The following KCNK2 variants were observed in gnomAD, a reference collection of about 807,000 sequenced individuals.
KCNK2 encodes the protein potassium channel subfamily K member 2.
KCNK2 carries 21 observed loss-of-function variants against 40.5 expected under a neutral mutation model. That is an observed-to-expected ratio of 0.52 (90% CI 0.37 to 0.75). The LOEUF (loss-of-function observed/expected upper bound fraction) is 0.75, where lower values mean the gene tolerates loss of function less well. Ranked by LOEUF, KCNK2 falls within the 30% of genes least tolerant of loss-of-function variation. The pLI is 0.00. For missense variants in KCNK2, 399 were observed against 531.6 expected, an observed-to-expected ratio of 0.75 and a Z score of 2.45; for synonymous variants, 191 against 202.2, an observed-to-expected ratio of 0.94 and a Z score of 0.47.
chr1:215,225,144 C>T (rs368495622), intron 6 of KCNK2, among the ~76,000 whole-genome samples: 3 of 152,246 alleles, frequency 2.0e-5, no homozygotes, highest in African/African-American at 7.2e-5. Flanking sequence ...CAGGTAATTG[C>T]TAAAATCCAT....
At chr1:215,177,741 T>TATATATATA (rs1553270860) in intron 5 of KCNK2, among the ~76,000 whole-genome samples, 5 of 20,614 alleles carry the variant, frequency 2.4e-4, no homozygotes, top group East Asian at 3.5e-3. Flanking sequence ...TATATATATA[T>TATATATATA]TTTTTTTTTT....
intron 6 of KCNK2, among the ~76,000 whole-genome samples, chr1:215,231,366 G>A (rs115035907): frequency 0.022 from 3,324 of 151,970 alleles, 110 homozygotes; most frequent in African/African-American, 0.076. Flanking sequence ...TGCAATAAAC[G>A]CATAATAAAA....
intron 3 of KCNK2, among the ~76,000 whole-genome samples, chr1:215,134,052 A>G (rs2102592645): frequency 6.6e-6 from 1 of 152,220 alleles, no homozygotes; most frequent in South Asian, 2.1e-4. Context: ...GCTAACAAAG[A>G]GTGAAATTGC....
At chr1:215,091,536 A>G (rs767106667) in intron 2 of KCNK2, among the ~76,000 whole-genome samples, 6 of 152,240 alleles carry the variant, frequency 3.9e-5, no homozygotes, top group Non-Finnish European at 8.8e-5. Context: ...TTCATTCAAA[A>G]GCATTTGTTG....
chr1:215,075,495 G>A (rs1264414533), intron 1 of KCNK2, among the ~76,000 whole-genome samples: 1 of 152,094 alleles, frequency 6.6e-6, no homozygotes, highest in Non-Finnish European at 1.5e-5. Context: ...CCATGATGAC[G>A]AGGATTTGTT....
rs554082958 is a variant in KCNK2, at chr1:215,087,019, T to C, written c.357+341T>C. On this transcript the variant is annotated intron_variant, in intron 2 of 6. Coordinates refer to ENST00000444842, the MANE Select transcript of KCNK2 (RefSeq NM_001017425.3). ...TCTTAGAAGTGCCAGTGGACATCCATGGGGTTGGGGTTACCACGCTGAAGG... is the reference window on the plus strand; with the variant it reads ...TCTTAGAAGTGCCAGTGGACATCCACGGGGTTGGGGTTACCACGCTGAAGG... 2.0e-4 allele frequency among the ~76,000 whole-genome samples: 31 copies of C among 152,344 alleles called. No homozygotes were observed. The South Asian group carries it at 2.7e-3, about 13-fold the overall frequency.
At chr1:215,162,733 A>G (rs1456602816) in intron 3 of KCNK2, among the ~76,000 whole-genome samples, 2 of 151,970 alleles carry the variant, frequency 1.3e-5, no homozygotes, top group African/African-American at 4.8e-5. Flanking sequence ...ATGGTTGTAG[A>G]TGTGTGGCAT....
At chr1:215,177,838 T>A (rs938173980) in intron 5 of KCNK2, among the ~76,000 whole-genome samples, 1 of 150,148 alleles carries the variant, frequency 6.7e-6, no homozygotes, top group African/African-American at 2.4e-5. Context: ...TTTTTTTTTT[T>A]AGGATTACTT....
chr1:215,088,575 G>GAAAAA (rs10689637), intron 2 of KCNK2, among the ~76,000 whole-genome samples: 1 of 133,864 alleles, frequency 7.5e-6, no homozygotes, highest in Non-Finnish European at 1.6e-5. Flanking sequence ...GACAGGACAG[G>GAAAAA]AAAAAAAAAA....
rs74736877 is a variant in KCNK2, at chr1:215,098,507, C to A, written c.357+11829C>A. ...GTGAGATTTTAAAAATTTAATTAAA[C>A]GTCGAATATATTTCTCATTGTTAAA... On this transcript the variant is annotated intron_variant, in intron 2 of 6. Transcript: ENST00000444842. Among the ~76,000 whole-genome samples, 93 of 151,944 alleles carry A rather than the reference C, an allele frequency of 6.1e-4. 1 individual carries two copies. In the South Asian group the frequency reaches 0.019, roughly 31 times the overall value.
At chr1:215,045,903 A>G (rs958267266) in intron 1 of KCNK2, among the ~76,000 whole-genome samples, 1 of 152,098 alleles carries the variant, frequency 6.6e-6, no homozygotes, top group Admixed American at 6.6e-5. Context: ...AATTTGCAGT[A>G]ATTACTCTGT....
chr1:215,160,101 G>T (rs1183104176), intron 3 of KCNK2, among the ~76,000 whole-genome samples: 1 of 152,144 alleles, frequency 6.6e-6, no homozygotes, highest in Non-Finnish European at 1.5e-5. Context: ...GTATAATCTT[G>T]AATTAATAAG....
chr1:215,100,629 C>T (rs1214528414), intron 2 of KCNK2, among the ~76,000 whole-genome samples: 4 of 152,008 alleles, frequency 2.6e-5, no homozygotes, highest in African/African-American at 9.6e-5. Context: ...TTGCTGGTTG[C>T]GGTTCTGATG....
intron 1 of KCNK2, among the ~76,000 whole-genome samples, chr1:215,019,438 A>G (rs955042927): frequency 7.2e-5 from 11 of 152,364 alleles, no homozygotes; most frequent in African/African-American, 2.6e-4. Context: ...ATCAGCTGAG[A>G]CACCCAATAT....
At chr1:215,157,170 A>G (rs1662970195) in intron 3 of KCNK2, among the ~76,000 whole-genome samples, 1 of 152,194 alleles carries the variant, frequency 6.6e-6, no homozygotes, top group Non-Finnish European at 1.5e-5. Flanking sequence ...TCTATTAAAG[A>G]TAATTTCAAG....
intron 1 of KCNK2, among the ~76,000 whole-genome samples, chr1:215,070,741 A>T (rs1264200211): frequency 6.6e-6 from 1 of 152,198 alleles, no homozygotes; most frequent in Non-Finnish European, 1.5e-5. Flanking sequence ...AGACACAGAC[A>T]AACCATATCA....
intron 6 of KCNK2, among the ~76,000 whole-genome samples, chr1:215,210,019 A>G (rs61818357): frequency 1.3e-4 from 3 of 23,266 alleles, no homozygotes; most frequent in African/African-American, 6.3e-4. Context: ...ATAATATATA[A>G]TATATATTAT....
Position 215,235,369 on chromosome 1 carries a change from T to A in KCNK2, c.*224T>A, listed in dbSNP as rs542449511. 69 of 478,234 alleles carry A rather than the reference T, an allele frequency of 1.4e-4. No homozygotes were observed. The highest frequency in any genetic ancestry group is 1.2e-3 in the African/African-American group (65 of 52,252). 29.6% of individuals were successfully genotyped at this position (478,234 alleles called of 1,614,324 possible). A position where few individuals can be genotyped will look rare whatever the true frequency, so the allele number is the denominator to read the frequency against. ...GGTCCACTTTCTTTGATGAGTGGAA[T>A]GACAAGCAATGTCTGATGCCTTTTT... is the stretch of plus-strand genomic sequence containing the variant. On this transcript the variant is annotated 3_prime_UTR_variant, in exon 7 of 7. Transcript: ENST00000444842.
At chr1:215,032,000 T>G (rs1204644310) in intron 1 of KCNK2, among the ~76,000 whole-genome samples, 1 of 152,166 alleles carries the variant, frequency 6.6e-6, no homozygotes, top group Non-Finnish European at 1.5e-5. Context: ...CTCGTATCAT[T>G]GCGGTCAATC....
Sources: gnomAD v4.1 joint callset for allele counts (sites outside exome capture counted in the v4.1 genomes callset) on GRCh38, gnomAD v4.1.1 for gene constraint, MANE v1.5 for transcripts, NCBI Gene and HGNC (gene_info 2026-07-23, HGNC 2026-07-21) for gene names.